Variants in CERS1 observed in about 807,000 individuals in gnomAD.
CERS1 encodes Embryonic growth/differentiation factor 1.
A neutral mutation model predicts 35.7 loss-of-function variants in CERS1; 16 were observed. The ratio of observed to expected loss-of-function variants is 0.45; its 90% CI spans 0.30 to 0.68. The LOEUF is 0.68. Among genes scored for constraint, CERS1 ranks in the 30% least tolerant of loss-of-function variants. The pLI is 0.08. For synonymous variants in CERS1, 243 were observed against 201.6 expected (o/e 1.21, Z -1.74); for missense variants, 454 against 453.9 (o/e 1.00, Z 0.00).
chr19:18,875,229 GTC>G lies in CERS1; in HGVS notation c.1010+3699_1010+3700del, dbSNP rs2056039598. 4.1e-5 allele frequency among the ~76,000 whole-genome samples: 6 copies of G among 145,212 alleles called. No individual in the cohort carries two copies. In the South Asian group the frequency reaches 1.3e-3, roughly 32 times the overall value. On this transcript the variant is annotated intron_variant, in intron 6 of 7. Coordinates refer to ENST00000623882, the MANE Select transcript of CERS1 (RefSeq NM_021267.5). Reference sequence around the variant, plus strand: ...CCAGCGTGGGCGACAGAGTGGGACCGTCTCTAAAAAAAAAAAAAAAGAAAGAA... The same window carrying G: ...CCAGCGTGGGCGACAGAGTGGGACCGTCTAAAAAAAAAAAAAAAGAAAGAA...
intron 2 of CERS1, among the ~76,000 whole-genome samples, chr19:18,885,377 T>G (rs2056323456): frequency 6.6e-6 from 1 of 151,798 alleles, no homozygotes; most frequent in Non-Finnish European, 1.5e-5. Context: ...ATTTATTTCT[T>G]TTTTAATTTT....
In CERS1 at chr19:18,878,672, G is replaced by C; in HGVS notation, c.1010+258C>G. 7.7e-7 allele frequency: 1 copy of C among 1,303,344 alleles called. No individual in the cohort carries two copies. The highest frequency in any genetic ancestry group is 9.8e-7 in the Non-Finnish European group (1 of 1,018,354). The allele number at this position is 1,303,344 out of a possible 1,614,324, so 80.7% of individuals were successfully genotyped here. The stretch of plus-strand genomic sequence containing the variant: ...CCAGCCACTAGGCCTGGCCCTCAGT[G>C]TCCCTACCGCTGAGACCCTGCCTGT... On this transcript the variant is annotated intron_variant, in intron 6 of 7. Transcript: ENST00000623882. The surrounding 1 kb of genome is among the most constrained non-coding windows in gnomAD (Gnocchi z 4.6).
intron 2 of CERS1, 63 bp from the exon 3 acceptor site, chr19:18,884,330 C>G: frequency 6.8e-7 from 1 of 1,477,730 alleles, no homozygotes; most frequent in Non-Finnish European, 9.1e-7. Flanking sequence ...GCCTCCATGA[C>G]CCGGTGACAC....
At chr19:18,872,097 T>C (rs111473113) in intron 6 of CERS1, among the ~76,000 whole-genome samples, 47 of 152,388 alleles carry the variant, frequency 3.1e-4, no homozygotes, top group African/African-American at 1.0e-3. Context: ...GGTCTTAGGT[T>C]AGTTTCTCCA....
intron 2 of CERS1, among the ~76,000 whole-genome samples, chr19:18,887,607 T>C (rs987992959): frequency 4.6e-5 from 7 of 151,922 alleles, no homozygotes; most frequent in Admixed American, 3.3e-4. Flanking sequence ...TAGCTGGGCA[T>C]GGTGGCGCAT....
At chr19:18,871,329 C>G (rs536807838) in intron 6 of CERS1, among the ~76,000 whole-genome samples, 1 of 150,612 alleles carries the variant, frequency 6.6e-6, no homozygotes, top group East Asian at 2.0e-4. Context: ...TGAGTTCAAG[C>G]GATTCTCCTG....
intron 6 of CERS1, among the ~76,000 whole-genome samples, chr19:18,872,741 C>T (rs945905944): frequency 2.2e-5 from 3 of 137,716 alleles, no homozygotes; most frequent in Non-Finnish European, 3.2e-5. Flanking sequence ...GTCTAGAACT[C>T]CTGACCTCAG....
At chr19:18,891,121 C>CAA (rs879696067) in intron 2 of CERS1, among the ~76,000 whole-genome samples, 6 of 99,764 alleles carry the variant, frequency 6.0e-5, no homozygotes, top group African/African-American at 7.6e-5. Context: ...GAGACTGTCT[C>CAA]AAAAAAAAAA....
intron 6 of CERS1, among the ~76,000 whole-genome samples, chr19:18,875,319 G>A (rs566435589): frequency 1.3e-5 from 2 of 152,174 alleles, no homozygotes; most frequent in Non-Finnish European, 2.9e-5. Flanking sequence ...GCTGAGGCAG[G>A]AGGAACACTT....
rs140175484 is a variant in CERS1 at position 18,877,463 on chromosome 19, G to A, written c.1010+1467C>T. ...CCTAGCTGATCTCTGGAGAATTCCC[G>A]ACTCAGGCCGGCTGCAGTGGCTCAT... is the stretch of plus-strand genomic sequence containing the variant. On this transcript the variant is annotated intron_variant, in intron 6 of 7. Transcript: ENST00000623882. Among the ~76,000 whole-genome samples the A allele has an allele frequency of 1.4e-4, 21 of 152,264 alleles. No homozygotes were observed. In the East Asian group the frequency reaches 1.7e-3, roughly 13 times the overall value.
In CERS1 at chr19:18,877,048, T is replaced by C. The variant is rs189750307; in HGVS notation, c.1010+1882A>G. Among the ~76,000 whole-genome samples the C allele has an allele frequency of 2.6e-3, 401 of 152,346 alleles. 1 individual carries two copies. Among genetic ancestry groups the C allele is most frequent in the Non-Finnish European group, 4.0e-3 (273 of 68,030 alleles). On this transcript the variant is annotated intron_variant, in intron 6 of 7. Coordinates refer to ENST00000623882, the MANE Select transcript of CERS1 (RefSeq NM_021267.5). ...TTTGGAAGACGTCTCTCAGCCTGAC[T>C]GCCTTCGTCCCATCCTGTTTTATAC...
chr19:18,877,445 G>C (rs1477086006), intron 6 of CERS1, among the ~76,000 whole-genome samples: 1 of 152,184 alleles, frequency 6.6e-6, no homozygotes, highest in Non-Finnish European at 1.5e-5. Context: ...AGACCTAGCT[G>C]ATCTCTGGAG....
chr19:18,879,014 A>G lies in CERS1; in HGVS notation c.926T>C (p.Val309Ala). 6.2e-7 allele frequency: 1 copy of G among 1,613,448 alleles called. No individual in the cohort carries two copies. Among genetic ancestry groups the G allele is most frequent in the East Asian group, 2.2e-5 (1 of 44,870 alleles). The part of the protein sequence containing the change: ...FLYIVAFAAK[V>A]LTGQVHELKD... ...CAGCTCGTGCACCTGGCCTGTCAACACCTTGGCTGCAAACGCCACGATGTA... is the reference window on the plus strand; with the variant it reads ...CAGCTCGTGCACCTGGCCTGTCAACGCCTTGGCTGCAAACGCCACGATGTA... Residue 309 changes from valine (V) to alanine (A), a missense_variant, in exon 6 of 8, where the codon GTG becomes GCG. Val to Ala is a moderately conservative substitution (Grantham distance 64). Transcript: ENST00000623882.
Position 18,878,857 on chromosome 19 carries a change from G to T in CERS1, c.1010+73C>A. The T allele has an allele frequency of 6.4e-7, 1 of 1,564,024 alleles. No homozygotes were observed. The highest frequency in any genetic ancestry group is 8.7e-7 in the Non-Finnish European group (1 of 1,154,896). On this transcript the variant is annotated intron_variant, in intron 6 of 7. Coordinates refer to ENST00000623882, the MANE Select transcript of CERS1 (RefSeq NM_021267.5). This position sits in a 1 kb window ranked among gnomAD's most constrained non-coding sequence, Gnocchi z 4.6. ...CCTCATCTGCTGCTGGGTCTTGGGG[G>T]CCTGCCCACGAACACGCTTGGACGG...
chr19:18,881,315 G>A (rs1471891256), intron 3 of CERS1, among the ~76,000 whole-genome samples: 1 of 151,816 alleles, frequency 6.6e-6, no homozygotes, highest in Non-Finnish European at 1.5e-5. Context: ...CACCTCCCGG[G>A]TTCAAGCAAT....
chr19:18,886,127 C>T (rs77427834), intron 2 of CERS1, among the ~76,000 whole-genome samples: 8,636 of 150,156 alleles, frequency 0.058, 294 homozygotes, highest in Middle Eastern at 0.14. Context: ...ATGCTCTGGA[C>T]GGGCACGGTG....
At chr19:18,884,412 A>C in intron 2 of CERS1, 145 bp from the exon 3 acceptor site, 2 of 714,664 alleles carry the variant, frequency 2.8e-6, no homozygotes, top group South Asian at 2.3e-5. Flanking sequence ...TCCATTCCCA[A>C]TTCTATTTTT....
chr19:18,891,608 C>T lies in CERS1; in HGVS notation c.409+1808G>A, dbSNP rs762697193. 4.6e-5 allele frequency among the ~76,000 whole-genome samples: 7 copies of T among 152,124 alleles called. No individual in the cohort carries two copies. In the East Asian group the frequency reaches 7.7e-4, roughly 17 times the overall value. Reference sequence around the variant, plus strand: ...CACCCCCAACCCCCAGGCAGGGTCTCGCTCTGTTGCCCAGGCTGGAGTGCA... The same window carrying T: ...CACCCCCAACCCCCAGGCAGGGTCTTGCTCTGTTGCCCAGGCTGGAGTGCA... On this transcript the variant is annotated intron_variant, in intron 2 of 7. Transcript: ENST00000623882.
At chr19:18,872,555 C>A (rs2055991484) in intron 6 of CERS1, among the ~76,000 whole-genome samples, 1 of 151,234 alleles carries the variant, frequency 6.6e-6, no homozygotes, top group Admixed American at 6.6e-5. Context: ...CGCTCTTGTC[C>A]CCCAGGCGGG....
Sources: allele counts gnomAD v4.1 joint callset (sites outside exome capture counted in the v4.1 genomes callset), GRCh38; gene constraint gnomAD v4.1.1; non-coding constraint Gnocchi (gnomAD v3.1); transcripts MANE v1.5; gene names NCBI Gene and HGNC (gene_info 2026-07-23, HGNC 2026-07-21).